The following ZFHX4 variants were observed in gnomAD, a reference collection of about 807,000 sequenced individuals.
ZFHX4 encodes zinc finger homeobox 4.
A neutral mutation model predicts 267.6 loss-of-function variants in ZFHX4; 56 were observed. The ratio of observed to expected loss-of-function variants is 0.21; its 90% CI spans 0.17 to 0.26. ZFHX4 has a LOEUF of 0.26. ZFHX4 is among the 10% of genes least tolerant of loss of function. The pLI is 1.00. For missense variants in ZFHX4, 4,332 were observed against 4,420.0 expected (o/e 0.98, Z 0.56); for synonymous variants, 1,778 against 1,665.6 (o/e 1.07, Z -1.64).
chr8:76,705,907 G>C lies in ZFHX4; in HGVS notation c.1819G>C (p.Gly607Arg), dbSNP rs770173843. 2 of 1,613,732 alleles carry C rather than the reference G, an allele frequency of 1.2e-6. No homozygotes were observed. The highest frequency in any genetic ancestry group is 8.5e-7 in the Non-Finnish European group (1 of 1,179,856). ...TGGCACACCAGGGCCTGGAGGAGAC[G>C]GCTCACCGGGCAGTGGCATCGAGTG... ...TPGTPGPGGD[G>R]SPGSGIECPK... The change falls in exon 2 of 11, where the codon GGC becomes CGC. Residue 607 changes from glycine to arginine, a missense_variant. This residue lies in a region of ZFHX4 where 1,195 missense variants were observed against 1,173.6 expected (regional missense o/e 1.02). Transcript: ENST00000651372.
intron 3 of ZFHX4, among the ~76,000 whole-genome samples, chr8:76,723,444 T>C (rs180777289): frequency 6.6e-6 from 1 of 152,188 alleles, no homozygotes; most frequent in Admixed American, 6.6e-5. Context: ...GTTGCTTGTT[T>C]CCCATTGTTT....
rs74962006 is a variant in ZFHX4, at chr8:76,816,488, C to A, written c.3326-16850C>A. ...TCCAGATTCAAGCTCCTTGAGGGCA[C>A]AAGAAGGTTGTTTTCATCTTAGGAG... On this transcript the variant is annotated intron_variant, in intron 4 of 10. Transcript: ENST00000651372. 1.0e-3 allele frequency among the ~76,000 whole-genome samples: 156 copies of A among 151,988 alleles called. 1 individual carries two copies. In the East Asian group the frequency reaches 0.026, roughly 25 times the overall value.
intron 3 of ZFHX4, among the ~76,000 whole-genome samples, chr8:76,761,711 TA>T (rs916405557): frequency 6.6e-6 from 1 of 152,204 alleles, no homozygotes; most frequent in African/African-American, 2.4e-5. Flanking sequence ...GCTGAAAAAT[TA>T]TTTGATTTTC....
chr8:76,715,481 TA>T (rs764567552), intron 3 of ZFHX4, among the ~76,000 whole-genome samples: 4,247 of 62,356 alleles, frequency 0.068, 80 homozygotes, highest in Middle Eastern at 0.14. Flanking sequence ...GACTCCATCT[TA>T]AAAAAAAAAA....
intron 4 of ZFHX4, among the ~76,000 whole-genome samples, chr8:76,786,486 A>G (rs1810695722): frequency 1.3e-5 from 2 of 151,820 alleles, no homozygotes; most frequent in South Asian, 4.2e-4. Context: ...AGGTTTGATA[A>G]GACACAAGTC....
chr8:76,704,925 G>A lies in ZFHX4; in HGVS notation c.837G>A (p.Met279Ile). Residue 279 changes from methionine (M) to isoleucine (I), a missense_variant, in exon 2 of 11, where the codon ATG becomes ATA. Physicochemically the swap from Met to Ile is conservative, Grantham distance 10. Around this residue, in one of 7 missense-constraint regions of ZFHX4, gnomAD observed 1,195 missense variants for 1,173.6 expected, o/e 1.02. Transcript: ENST00000651372. ...ATGGGAAAAGGAAACCTGTTTTAAT[G>A]TGTTTCTTGTGCAAGTTGTCTTTTG... ...VSDGKRKPVL[M>I]CFLCKLSFGY... is the part of the protein sequence containing the mutation. 6.2e-7 allele frequency: 1 copy of A among 1,614,062 alleles called. No homozygotes were observed. Among genetic ancestry groups the A allele is most frequent in the Non-Finnish European group, 8.5e-7 (1 of 1,179,922 alleles).
Position 76,725,732 on chromosome 8 carries a change from TTTTG to T in ZFHX4, c.3093+17688_3093+17691del, listed in dbSNP as rs142861392. Among the ~76,000 whole-genome samples the T allele has an allele frequency of 8.1e-4, 124 of 152,254 alleles. 3 individuals are homozygous for T. The East Asian group carries it at 0.021, about 25-fold the overall frequency. Reference sequence around the variant, plus strand: ...TCAGTGTACTGTAAACCTTTTGAGGTTTTGTTTAAGTAAAACACAAAGTACAATA... The same window carrying T: ...TCAGTGTACTGTAAACCTTTTGAGGTTTTAAGTAAAACACAAAGTACAATA... On this transcript the variant is annotated intron_variant, in intron 3 of 10. Transcript: ENST00000651372.
intron 4 of ZFHX4, among the ~76,000 whole-genome samples, chr8:76,787,067 C>T (rs1162149500): frequency 6.6e-6 from 1 of 152,152 alleles, no homozygotes; most frequent in Non-Finnish European, 1.5e-5. Flanking sequence ...GCATATTTTA[C>T]ATCCCACATT....
intron 3 of ZFHX4, among the ~76,000 whole-genome samples, chr8:76,720,661 C>T (rs1808696384): frequency 2.0e-5 from 3 of 152,228 alleles, no homozygotes; most frequent in Middle Eastern, 6.8e-3. Context: ...TTTTATCATT[C>T]TCTCAATGTC....
chr8:76,856,431 T>C, intron 10 of ZFHX4, 131 bp downstream of exon 10: 1 of 1,076,190 alleles, frequency 9.3e-7, no homozygotes, highest in Non-Finnish European at 1.4e-6. Flanking sequence ...TTATTTAAAG[T>C]ATATATTATA....
Position 76,719,450 on chromosome 8 carries a change from T to G in ZFHX4, c.3093+11402T>G, listed in dbSNP as rs1808663125. 2.0e-5 allele frequency among the ~76,000 whole-genome samples: 3 copies of G among 152,148 alleles called. No homozygotes were observed. In the South Asian group the frequency reaches 6.2e-4, roughly 32 times the overall value. ...AAAGGATCAGAGAACAGGATATGAT[T>G]TGCTAAAAGTGATAGTTTCTCCAAA... On this transcript the variant is annotated intron_variant, in intron 3 of 10. Coordinates refer to ENST00000651372, the MANE Select transcript of ZFHX4 (RefSeq NM_024721.5).
At chr8:76,778,164 A>G (rs765032466) in intron 3 of ZFHX4, 44 bp from the exon 4 acceptor site, 3 of 1,320,318 alleles carry the variant, frequency 2.3e-6, no homozygotes, top group Non-Finnish European at 3.3e-6. Flanking sequence ...GTTATCCACC[A>G]TGGAGCTAGA....
chr8:76,706,827 T>C (rs1038272597), intron 2 of ZFHX4, 149 bp downstream of exon 2: 26 of 918,182 alleles, frequency 2.8e-5, no homozygotes, highest in Admixed American at 7.0e-5. Flanking sequence ...ATCAAACCAT[T>C]TGCTCTTCTG....
rs1260010615 is a variant in ZFHX4 at position 76,852,672 on chromosome 8, T to G, written c.5751T>G (p.Gly1917=). The G allele has an allele frequency of 1.9e-6, 3 of 1,613,790 alleles. No homozygotes were observed. The African/African-American group carries it at 4.0e-5, about 22-fold the overall frequency. The part of the protein sequence containing the change: ...NAAKALLENF[G]FELVIQYNEN... ...CCAAAGCGTTATTGGAAAACTTTGGTTTTGAACTGGTCATTCAGTATAACG... is the reference window on the plus strand; with the variant it reads ...CCAAAGCGTTATTGGAAAACTTTGGGTTTGAACTGGTCATTCAGTATAACG... Residue 1917 remains glycine, a synonymous_variant, in exon 10 of 11, where the codon GGT becomes GGG. Coordinates refer to ENST00000651372, the MANE Select transcript of ZFHX4 (RefSeq NM_024721.5).
chr8:76,768,283 T>C (rs1010829438), intron 3 of ZFHX4, among the ~76,000 whole-genome samples: 1 of 152,184 alleles, frequency 6.6e-6, no homozygotes, highest in Non-Finnish European at 1.5e-5. Flanking sequence ...TGGGAAATTC[T>C]TGGTAGGCAT....
chr8:76,812,985 A>G (rs982739372), intron 4 of ZFHX4, among the ~76,000 whole-genome samples: 2 of 152,204 alleles, frequency 1.3e-5, no homozygotes, highest in Non-Finnish European at 2.9e-5. Context: ...GTGAGGCAAG[A>G]ATTACATACT....
chr8:76,702,213 G>C (rs938525740), intron 1 of ZFHX4, among the ~76,000 whole-genome samples: 6 of 152,202 alleles, frequency 3.9e-5, no homozygotes, highest in Admixed American at 3.9e-4. Context: ...TTACACACTA[G>C]GGTTTGTGAT....
intron 4 of ZFHX4, among the ~76,000 whole-genome samples, chr8:76,779,515 G>A (rs768698558): frequency 3.3e-5 from 5 of 152,048 alleles, no homozygotes; most frequent in Non-Finnish European, 4.4e-5. Context: ...AGAGCACAGA[G>A]CTTGAGAGCG....
chr8:76,711,984 G>T (rs553356435), intron 3 of ZFHX4, among the ~76,000 whole-genome samples: 74 of 152,304 alleles, frequency 4.9e-4, no homozygotes, highest in Non-Finnish European at 9.4e-4. Context: ...TATAAGTGAG[G>T]TGTTCACAGC....
Sources: gnomAD v4.1 joint callset for allele counts (sites outside exome capture counted in the v4.1 genomes callset) on GRCh38, gnomAD v4.1.1 for gene constraint, gnomAD v4.1.1 regional missense constraint, MANE v1.5 for transcripts, NCBI Gene and HGNC (gene_info 2026-07-23, HGNC 2026-07-21) for gene names.